Variants in PLCB1 observed in about 807,000 individuals in gnomAD.
PLCB1 encodes the protein 1-phosphatidylinositol 4,5-bisphosphate phosphodiesterase beta-1.
PLCB1 carries 46 observed loss-of-function variants against 161.8 expected under a neutral mutation model. The observed-to-expected ratio is 0.28, with a 90% confidence interval of 0.22 to 0.36. The LOEUF is 0.36. Ranked by LOEUF, PLCB1 falls within the 10% of genes least tolerant of loss-of-function variation. The pLI is 1.00. For missense variants in PLCB1, 1,016 were observed against 1,472.5 expected (o/e 0.69, Z 5.07); for synonymous variants, 517 against 503.7 (o/e 1.03, Z -0.35).
chr20:8,167,276 A>G (rs2051685477), intron 2 of PLCB1, among the ~76,000 whole-genome samples: 1 of 152,314 alleles, frequency 6.6e-6, no homozygotes, highest in South Asian at 2.1e-4. Context: ...CTCCAAGACT[A>G]TTAGTTGGAG....
chr20:8,533,640 T>C (rs1228768771), intron 3 of PLCB1, among the ~76,000 whole-genome samples: 2 of 150,680 alleles, frequency 1.3e-5, no homozygotes, highest in African/African-American at 4.9e-5. Context: ...TTTCATGTGT[T>C]TTTTGGCTGC....
At chr20:8,706,489 G>A (rs561183838) in intron 11 of PLCB1, among the ~76,000 whole-genome samples, 1 of 152,212 alleles carries the variant, frequency 6.6e-6, no homozygotes, top group African/African-American at 2.4e-5. Context: ...GAATTGAAAG[G>A]TGTGAGAGAA....
chr20:8,671,816 A>G (rs923615047), intron 9 of PLCB1, among the ~76,000 whole-genome samples: 3 of 152,140 alleles, frequency 2.0e-5, no homozygotes, highest in Non-Finnish European at 4.4e-5. Flanking sequence ...ACCCACCACT[A>G]TCTGTCTTTC....
rs561308476 is a variant in PLCB1, at chr20:8,282,628, T to C, written c.178-88754T>C. On this transcript the variant is annotated intron_variant, in intron 2 of 31. Transcript: ENST00000338037. ...GGAGCCAGGATGTAAATAGATTGTATTGCTTGAAATCCACTTGGGTAAAAA... is the reference window on the plus strand; with the variant it reads ...GGAGCCAGGATGTAAATAGATTGTACTGCTTGAAATCCACTTGGGTAAAAA... Among the ~76,000 whole-genome samples, 3 of 152,282 alleles carry C rather than the reference T, an allele frequency of 2.0e-5. No homozygotes were observed. In the East Asian group the frequency reaches 5.8e-4, roughly 29 times the overall value.
chr20:8,705,460 A>G (rs1042562665), intron 11 of PLCB1, among the ~76,000 whole-genome samples: 2 of 152,228 alleles, frequency 1.3e-5, no homozygotes, highest in Non-Finnish European at 2.9e-5. Flanking sequence ...AGAAGTTTAC[A>G]CTGTCTAGTG....
At chr20:8,192,376 G>A (rs895173926) in intron 2 of PLCB1, among the ~76,000 whole-genome samples, 37 of 151,942 alleles carry the variant, frequency 2.4e-4, no homozygotes, top group Non-Finnish European at 4.0e-4. Context: ...ACTGCTAAAA[G>A]GTGGGACTAA....
intron 2 of PLCB1, among the ~76,000 whole-genome samples, chr20:8,157,836 A>G (rs1033398): frequency 0.41 from 61,732 of 152,028 alleles, 12,572 homozygotes; most frequent in Middle Eastern, 0.44. Context: ...GTAGAAATGC[A>G]TTAGTATAAT....
intron 31 of PLCB1, among the ~76,000 whole-genome samples, chr20:8,859,278 T>A (rs1489672614): frequency 6.6e-6 from 1 of 152,236 alleles, no homozygotes; most frequent in East Asian, 1.9e-4. Flanking sequence ...AATAGAACAT[T>A]GTTCCAAATA....
intron 3 of PLCB1, among the ~76,000 whole-genome samples, chr20:8,606,656 G>A (rs1987766896): frequency 1.3e-5 from 2 of 152,208 alleles, no homozygotes; most frequent in South Asian, 2.1e-4. Flanking sequence ...TGTTGTCTGT[G>A]CTTACATCAA....
intron 2 of PLCB1, among the ~76,000 whole-genome samples, chr20:8,174,549 T>C (rs920680982): frequency 1.3e-5 from 2 of 152,136 alleles, no homozygotes; most frequent in African/African-American, 2.4e-5. Context: ...AGCTGAAATA[T>C]GTGTGCAAGC....
chr20:8,390,364 C>T (rs1488868427), intron 3 of PLCB1, among the ~76,000 whole-genome samples: 9 of 152,128 alleles, frequency 5.9e-5, no homozygotes, highest in Admixed American at 5.9e-4. Flanking sequence ...AGGGCCCACC[C>T]TCATGAATGC....
At chr20:8,168,884 T>C (rs2051703915) in intron 2 of PLCB1, among the ~76,000 whole-genome samples, 1 of 152,122 alleles carries the variant, frequency 6.6e-6, no homozygotes, top group African/African-American at 2.4e-5. Context: ...GAAATGTTCT[T>C]CAGTAGAGAG....
chr20:8,325,044 C>CTTTTCTTG (rs1228981146), intron 2 of PLCB1, among the ~76,000 whole-genome samples: 2 of 152,162 alleles, frequency 1.3e-5, no homozygotes, highest in Non-Finnish European at 2.9e-5. Context: ...TGCATTTAAA[C>CTTTTCTTG]TGAAGTTTTA....
intron 3 of PLCB1, among the ~76,000 whole-genome samples, chr20:8,414,226 A>G (rs1403459417): frequency 6.6e-6 from 1 of 152,202 alleles, no homozygotes; most frequent in African/African-American, 2.4e-5. Context: ...GTCTGCACAT[A>G]TTTTTATTTG....
chr20:8,173,838 C>T (rs1378880243), intron 2 of PLCB1, among the ~76,000 whole-genome samples: 1 of 152,116 alleles, frequency 6.6e-6, no homozygotes, highest in South Asian at 2.1e-4. Flanking sequence ...CTGAAAAATA[C>T]AATGGCCAAA....
intron 3 of PLCB1, among the ~76,000 whole-genome samples, chr20:8,585,258 A>G (rs1463215060): frequency 1.3e-5 from 2 of 152,136 alleles, no homozygotes; most frequent in African/African-American, 2.4e-5. Context: ...TGCCAGAGGT[A>G]AGACTTTCTC....
intron 3 of PLCB1, among the ~76,000 whole-genome samples, chr20:8,526,612 C>T (rs758162877): frequency 9.2e-5 from 14 of 151,944 alleles, no homozygotes; most frequent in African/African-American, 2.2e-4. Context: ...AAATATTTAG[C>T]GTAAGAGTAG....
intron 2 of PLCB1, among the ~76,000 whole-genome samples, chr20:8,236,585 AAC>A (rs1980340412): frequency 6.6e-6 from 1 of 152,040 alleles, no homozygotes; most frequent in Non-Finnish European, 1.5e-5. Flanking sequence ...TCAATTGGGT[AAC>A]ACAGGATTAT....
At chr20:8,498,549 C>G (rs964226730) in intron 3 of PLCB1, among the ~76,000 whole-genome samples, 1 of 152,164 alleles carries the variant, frequency 6.6e-6, no homozygotes, top group South Asian at 2.1e-4. Context: ...GCCCTGTCCC[C>G]TTGGGGATCA....
Sources: allele counts gnomAD v4.1 joint callset (sites outside exome capture counted in the v4.1 genomes callset), GRCh38; gene constraint gnomAD v4.1.1; transcripts MANE v1.5; gene names NCBI Gene and HGNC (gene_info 2026-07-23, HGNC 2026-07-21).